Variants in PPP3R1 observed in about 807,000 individuals in gnomAD.
PPP3R1 encodes the protein calcineurin subunit B type 1.
Under a neutral mutation model 22.6 loss-of-function variants are expected in PPP3R1, and 5 were observed. The ratio of observed to expected loss-of-function variants is 0.22; its 90% CI spans 0.12 to 0.46. PPP3R1 has a LOEUF of 0.46. Among genes scored for constraint, PPP3R1 ranks in the 20% least tolerant of loss-of-function variants. The pLI is 0.99. For missense variants in PPP3R1, 61 were observed against 203.2 expected, an observed-to-expected ratio of 0.30 and a Z score of 4.25; for synonymous variants, 56 against 65.2, an observed-to-expected ratio of 0.86 and a Z score of 0.68.
At chr2:68,181,975 G>A (rs72832010) in intron 5 of PPP3R1, among the ~76,000 whole-genome samples, 11 of 151,718 alleles carry the variant, frequency 7.3e-5, no homozygotes, top group Admixed American at 3.3e-4. Flanking sequence ...AGAATGCATA[G>A]GTCATAAATG....
In PPP3R1 at chr2:68,226,315, A is replaced by G. The variant is rs1669779919; in HGVS notation, c.4-9184T>C. 2.0e-5 allele frequency among the ~76,000 whole-genome samples: 3 copies of G among 152,202 alleles called. No homozygotes were observed. In the South Asian group the frequency reaches 6.2e-4, roughly 31 times the overall value. On this transcript the variant is annotated intron_variant, in intron 1 of 5. Coordinates refer to ENST00000234310, the MANE Select transcript of PPP3R1 (RefSeq NM_000945.4). ...CACTTAAAACTAGTTAGTTTTTACC[A>G]TAGGTAAGTTGTACCTCAATAAAGC...
chr2:68,200,863 T>A (rs562491677), intron 2 of PPP3R1, among the ~76,000 whole-genome samples: 1 of 152,320 alleles, frequency 6.6e-6, no homozygotes, highest in Non-Finnish European at 1.5e-5. Flanking sequence ...TTTTTCCTAC[T>A]GAAGGCCTGT....
At chr2:68,208,269 T>C (rs1669374513) in intron 2 of PPP3R1, among the ~76,000 whole-genome samples, 1 of 152,222 alleles carries the variant, frequency 6.6e-6, no homozygotes, top group Non-Finnish European at 1.5e-5. Context: ...AAGTTAACTG[T>C]GCAGTAATGA....
At chr2:68,229,963 TATACACACATACACAC>T (rs1216274818) in intron 1 of PPP3R1, among the ~76,000 whole-genome samples, 1 of 68,284 alleles carries the variant, frequency 1.5e-5, no homozygotes, top group African/African-American at 6.9e-5. Context: ...TGTGTGTATA[TATACACACATACACAC>T]ACACACACAC....
chr2:68,191,948 A>G (rs1674676551), intron 2 of PPP3R1, among the ~76,000 whole-genome samples: 1 of 152,220 alleles, frequency 6.6e-6, no homozygotes, highest in South Asian at 2.1e-4. Flanking sequence ...TTATTTATTT[A>G]TATGTCTACT....
Position 68,252,223 on chromosome 2 carries a change from G to T in PPP3R1, c.-96C>A. On this transcript the variant is annotated 5_prime_UTR_variant, in exon 1 of 6. Transcript: ENST00000234310. ...GAAACGGCGGCGGCGGCCCAGCTGC[G>T]GCCCTCGGGTCGCCGGCGGGGAGGG... 8.6e-7 allele frequency: 1 copy of T among 1,166,420 alleles called. No individual in the cohort carries two copies. The highest frequency in any genetic ancestry group is 1.1e-6 in the Non-Finnish European group (1 of 930,442). The allele number at this position is 1,166,420 out of a possible 1,614,324, so 72.3% of individuals were successfully genotyped here.
chr2:68,242,567 A>G (rs1243504733), intron 1 of PPP3R1, among the ~76,000 whole-genome samples: 2 of 152,230 alleles, frequency 1.3e-5, no homozygotes, highest in Non-Finnish European at 2.9e-5. Flanking sequence ...TTTACTTGAG[A>G]AAGAGTATAA....
intron 5 of PPP3R1, among the ~76,000 whole-genome samples, chr2:68,185,201 G>C (rs1365030512): frequency 6.9e-6 from 1 of 144,814 alleles, no homozygotes; most frequent in Non-Finnish European, 1.5e-5. Flanking sequence ...CCTGGTGACA[G>C]AGTGAGACTC....
At chr2:68,232,674 T>C (rs1307961996) in intron 1 of PPP3R1, among the ~76,000 whole-genome samples, 1 of 152,052 alleles carries the variant, frequency 6.6e-6, no homozygotes, top group Non-Finnish European at 1.5e-5. Context: ...TGGCACGATC[T>C]CAGCTCACTG....
rs181289091 is a variant in PPP3R1, at chr2:68,247,787, C to A, written c.3+4338G>T. Among the ~76,000 whole-genome samples the A allele has an allele frequency of 3.2e-4, 48 of 152,336 alleles. 1 individual carries two copies. The East Asian group carries it at 6.2e-3, about 20-fold the overall frequency. ...CCCATAATCCAATAGTTACCAAGTT[C>A]TTTCTTCTACCGCCTAAATGTATCT... On this transcript the variant is annotated intron_variant, in intron 1 of 5. Coordinates refer to ENST00000234310, the MANE Select transcript of PPP3R1 (RefSeq NM_000945.4).
intron 1 of PPP3R1, among the ~76,000 whole-genome samples, chr2:68,238,272 T>A (rs899909314): frequency 6.6e-6 from 1 of 152,032 alleles, no homozygotes; most frequent in African/African-American, 2.4e-5. Flanking sequence ...GGGCAGGCAA[T>A]TAAACATAAT....
Position 68,217,039 on chromosome 2 carries a change from CAG to C in PPP3R1, c.43+51_43+52del, listed in dbSNP as rs1553407218. ...ACACACACACACACACACACACACA[CAG>C]AGAGAGATGAGTGAATAAAAGTAAC... On this transcript the variant is annotated intron_variant, in intron 2 of 5. Transcript: ENST00000234310. 1.2e-4 allele frequency: 126 copies of C among 1,084,800 alleles called. 2 individuals are homozygous for C. The highest frequency in any genetic ancestry group is 5.8e-4 in the East Asian group (22 of 37,766). The allele number at this position is 1,084,800 out of a possible 1,614,324, so 67.2% of individuals were successfully genotyped here. A position where few individuals can be genotyped will look rare whatever the true frequency, so the allele number is the denominator to read the frequency against.
chr2:68,187,373 A>G (rs1674567919), intron 3 of PPP3R1, 59 bp from the exon 4 acceptor site: 9 of 1,375,610 alleles, frequency 6.5e-6, no homozygotes, highest in Middle Eastern at 3.6e-4. Flanking sequence ...CACAAAAAAC[A>G]TATTTACCTT....
intron 2 of PPP3R1, 110 bp from the exon 3 acceptor site, chr2:68,188,800 A>G: frequency 1.2e-6 from 1 of 852,572 alleles, no homozygotes; most frequent in Non-Finnish European, 1.7e-6. Context: ...TAGGGGGGAA[A>G]AAAAATCTAA....
chr2:68,224,878 CTT>C (rs1669754323), intron 1 of PPP3R1, among the ~76,000 whole-genome samples: 1 of 152,000 alleles, frequency 6.6e-6, no homozygotes, highest in Admixed American at 6.6e-5. Flanking sequence ...GACATGAAGA[CTT>C]GAATAGATAT....
In PPP3R1 at chr2:68,252,418, AG is replaced by A; in HGVS notation, c.-292del. On this transcript the variant is annotated 5_prime_UTR_variant, in exon 1 of 6. Coordinates refer to ENST00000234310, the MANE Select transcript of PPP3R1 (RefSeq NM_000945.4). ...CAGGAGAGGCAGAGAAGAAGAAAGG[AG>A]GGGGAGAGGGGGCGAAGACGGCCGG... is the stretch of plus-strand genomic sequence containing the variant. The A allele has an allele frequency of 1.0e-6, 1 of 991,506 alleles. No individual in the cohort carries two copies. Among genetic ancestry groups the A allele is most frequent in the Non-Finnish European group, 1.2e-6 (1 of 835,750 alleles). The allele number at this position is 991,506 out of a possible 1,614,324, so 61.4% of individuals were successfully genotyped here.
chr2:68,191,450 A>G (rs1674667001), intron 2 of PPP3R1, among the ~76,000 whole-genome samples: 1 of 152,246 alleles, frequency 6.6e-6, no homozygotes, highest in Admixed American at 6.5e-5. Context: ...TAGGGCATTT[A>G]CCATGAAAGG....
chr2:68,220,355 G>A lies in PPP3R1; in HGVS notation c.4-3224C>T, dbSNP rs187019105. 2.0e-5 allele frequency among the ~76,000 whole-genome samples: 3 copies of A among 152,270 alleles called. No homozygotes were observed. The East Asian group carries it at 5.8e-4, about 29-fold the overall frequency. On this transcript the variant is annotated intron_variant, in intron 1 of 5. Transcript: ENST00000234310. ...CTCCAGTCTCTGCATAAGTTTGAGA[G>A]GAAACTCCCCAAGTCCAGGAAAAGA...
intron 2 of PPP3R1, among the ~76,000 whole-genome samples, chr2:68,196,048 A>C (rs774120777): frequency 1.3e-5 from 2 of 152,040 alleles, no homozygotes; most frequent in Non-Finnish European, 2.9e-5. Context: ...AGAAACTACT[A>C]CTCCAATACA....
Sources: allele counts gnomAD v4.1 joint callset (sites outside exome capture counted in the v4.1 genomes callset), GRCh38; gene constraint gnomAD v4.1.1; transcripts MANE v1.5; gene names NCBI Gene and HGNC (gene_info 2026-07-23, HGNC 2026-07-21).